PTPRD: variants seen among roughly 807,000 people sequenced by gnomAD.
PTPRD encodes the protein protein tyrosine phosphatase receptor type D, also known as receptor-type tyrosine-protein phosphatase delta.
A neutral mutation model predicts 214.5 loss-of-function variants in PTPRD; 34 were observed. The observed-to-expected ratio is 0.16, with a 90% CI of 0.12 to 0.21. The LOEUF (loss-of-function observed/expected upper bound fraction) is 0.21, where lower values mean the gene tolerates loss of function less well. Ranked by LOEUF, PTPRD falls within the 10% of genes least tolerant of loss-of-function variation. The probability of loss-of-function intolerance (pLI) is 1.00; values close to 1 mark genes in which losing one functional copy is unlikely to be tolerated. For missense variants in PTPRD, 2,545 were observed against 2,398.7 expected, an observed-to-expected ratio of 1.06 and a Z score of -1.27; for synonymous variants, 1,128 against 845.7, an observed-to-expected ratio of 1.33 and a Z score of -5.79.
At chr9:8,676,382 T>C (rs78967033) in intron 12 of PTPRD, among the ~76,000 whole-genome samples, 1 of 149,556 alleles carries the variant, frequency 6.7e-6, no homozygotes, top group Non-Finnish European at 1.5e-5. Flanking sequence ...ATTTTCATTT[T>C]TTTTTTTTTT....
At chr9:10,393,320 T>G (rs1176085035) in intron 2 of PTPRD, among the ~76,000 whole-genome samples, 1 of 151,784 alleles carries the variant, frequency 6.6e-6, no homozygotes, top group South Asian at 2.1e-4. Context: ...TGTGTGTGTA[T>G]GTGGTCAGAA....
chr9:8,772,526 G>C (rs947395211), intron 11 of PTPRD, among the ~76,000 whole-genome samples: 1 of 152,012 alleles, frequency 6.6e-6, no homozygotes, highest in African/African-American at 2.4e-5. Flanking sequence ...GTGCATGCCT[G>C]TGGTCCCAGC....
At chr9:9,043,895 C>A (rs140489566) in intron 10 of PTPRD, among the ~76,000 whole-genome samples, 9,322 of 146,890 alleles carry the variant, frequency 0.063, 955 homozygotes, top group African/African-American at 0.22. Flanking sequence ...CAGAGTGAGA[C>A]CCTGTCTCAA....
chr9:10,012,443 A>T (rs1232292543), intron 4 of PTPRD, among the ~76,000 whole-genome samples: 4 of 151,978 alleles, frequency 2.6e-5, no homozygotes, highest in African/African-American at 9.7e-5. Context: ...ATGATTTTTT[A>T]AAGTTTAAGC....
chr9:10,405,871 A>G (rs886518506), intron 2 of PTPRD, among the ~76,000 whole-genome samples: 11 of 151,552 alleles, frequency 7.3e-5, no homozygotes, highest in Non-Finnish European at 1.6e-4. Flanking sequence ...ATAGGAATAC[A>G]TAATATAAAA....
At chr9:8,836,344 T>G (rs939808212) in intron 11 of PTPRD, among the ~76,000 whole-genome samples, 1 of 152,086 alleles carries the variant, frequency 6.6e-6, no homozygotes, top group South Asian at 2.1e-4. Context: ...TTGGCACATC[T>G]CTAAAATACC....
intron 12 of PTPRD, among the ~76,000 whole-genome samples, chr9:8,684,887 T>C (rs1379588224): frequency 1.3e-5 from 2 of 152,210 alleles, no homozygotes; most frequent in Non-Finnish European, 2.9e-5. Context: ...TTAATATGCA[T>C]GTGCTCAAAC....
intron 3 of PTPRD, among the ~76,000 whole-genome samples, chr9:10,155,109 T>A (rs956223218): frequency 6.6e-6 from 1 of 152,114 alleles, no homozygotes; most frequent in South Asian, 2.1e-4. Context: ...GTTTCTGTCA[T>A]CCCTGATTTC....
chr9:9,267,647 G>A (rs1392178139), intron 9 of PTPRD, among the ~76,000 whole-genome samples: 1 of 151,054 alleles, frequency 6.6e-6, no homozygotes, highest in Non-Finnish European at 1.5e-5. Flanking sequence ...CCAGCAAAAT[G>A]AATTCAATAG....
At chr9:8,827,058 C>T (rs1414090283) in intron 11 of PTPRD, among the ~76,000 whole-genome samples, 1 of 152,074 alleles carries the variant, frequency 6.6e-6, no homozygotes, top group Non-Finnish European at 1.5e-5. Flanking sequence ...AACACACACA[C>T]ACACTACACA....
chr9:10,367,025 A>C (rs1300197103), intron 2 of PTPRD, among the ~76,000 whole-genome samples: 1 of 151,768 alleles, frequency 6.6e-6, no homozygotes, highest in African/African-American at 2.4e-5. Context: ...TAACTTGTGT[A>C]CTTTTCTGTA....
intron 9 of PTPRD, among the ~76,000 whole-genome samples, chr9:9,391,508 T>C (rs1175940645): frequency 2.6e-5 from 4 of 152,324 alleles, no homozygotes; most frequent in East Asian, 1.9e-4. Flanking sequence ...TAGCAAGTGA[T>C]GAATTTGCAT....
rs200343939 is a variant in PTPRD, at chr9:10,271,530, GTTTCTTTTCTTTTCT to G, written c.-545+69418_-545+69432del. Reference sequence around the variant, plus strand: ...CTAACCAATACTGATAAATTCAATTGTTTCTTTTCTTTTCTTTTCTTTTTTTTTTTGAGACGGAAT... The same window carrying G: ...CTAACCAATACTGATAAATTCAATTGTTTCTTTTTTTTTTTGAGACGGAAT... On this transcript the variant is annotated intron_variant, in intron 3 of 45. Coordinates refer to ENST00000381196, the MANE Select transcript of PTPRD (RefSeq NM_002839.4). Among the ~76,000 whole-genome samples, 158 of 117,796 alleles carry G rather than the reference GTTTCTTTTCTTTTCT, an allele frequency of 1.3e-3. 5 individuals are homozygous for G. The highest frequency in any genetic ancestry group is 4.1e-3 in the African/African-American group (153 of 36,884). The allele number at this position is 117,796 out of a possible 152,430, so 77.3% of individuals were successfully genotyped here. A position where few individuals can be genotyped will look rare whatever the true frequency, so the allele number is the denominator to read the frequency against.
At chr9:9,155,164 G>A (rs12336207) in intron 10 of PTPRD, among the ~76,000 whole-genome samples, 49,092 of 152,016 alleles carry the variant, frequency 0.32, 8,598 homozygotes, top group Non-Finnish European at 0.4. Context: ...GCATTGAAGG[G>A]TAACATTCTC....
chr9:9,322,635 T>C (rs991028641), intron 9 of PTPRD, among the ~76,000 whole-genome samples: 1 of 152,170 alleles, frequency 6.6e-6, no homozygotes, highest in African/African-American at 2.4e-5. Context: ...ATGACTTGGA[T>C]CACTGCCCTG....
At chr9:8,532,941 T>C (rs1054224255) in intron 14 of PTPRD, among the ~76,000 whole-genome samples, 6 of 152,020 alleles carry the variant, frequency 3.9e-5, no homozygotes, top group African/African-American at 1.4e-4. Context: ...CAGAGTTAAC[T>C]TCCCATTGTG....
chr9:9,126,644 T>C (rs144559677), intron 10 of PTPRD, among the ~76,000 whole-genome samples: 62 of 152,304 alleles, frequency 4.1e-4, no homozygotes, highest in African/African-American at 1.5e-3. Flanking sequence ...ACTCAATTTT[T>C]GGTGAATCAC....
At chr9:9,266,244 A>T (rs1939574605) in intron 9 of PTPRD, among the ~76,000 whole-genome samples, 1 of 151,492 alleles carries the variant, frequency 6.6e-6, no homozygotes, top group African/African-American at 2.4e-5. Flanking sequence ...GTATTAAAGT[A>T]CCTACATATA....
intron 12 of PTPRD, among the ~76,000 whole-genome samples, chr9:8,681,213 T>C (rs543218226): frequency 6.6e-6 from 1 of 152,142 alleles, no homozygotes; most frequent in Admixed American, 6.6e-5. Flanking sequence ...AGATGAACTC[T>C]TTTAGATGTT....
Sources: allele counts gnomAD v4.1 joint callset (sites outside exome capture counted in the v4.1 genomes callset), GRCh38; gene constraint gnomAD v4.1.1; transcripts MANE v1.5; gene names NCBI Gene and HGNC (gene_info 2026-07-23, HGNC 2026-07-21).